ZFP1: variants seen among roughly 807,000 people sequenced by gnomAD.
ZFP1 encodes the protein ZFP1 zinc finger protein.
Under a neutral mutation model 38.5 loss-of-function variants are expected in ZFP1, and 32 were observed. That is an observed-to-expected ratio of 0.83 (90% confidence interval 0.63 to 1.12). ZFP1 has a LOEUF of 1.12. Ranked by LOEUF, ZFP1 falls within the 50% of genes most tolerant of loss-of-function variation. ZFP1 has a pLI of 0.00. For synonymous variants in ZFP1, 245 were observed against 168.8 expected (o/e 1.45, Z -3.50); for missense variants, 616 against 480.8 (o/e 1.28, Z -2.63).
intron 2 of ZFP1, among the ~76,000 whole-genome samples, chr16:75,163,144 T>C (rs532670055): frequency 6.4e-4 from 97 of 151,912 alleles, no homozygotes; most frequent in Non-Finnish European, 1.1e-3. Context: ...CCTGACCTCG[T>C]GATCCACCTG....
intron 2 of ZFP1, among the ~76,000 whole-genome samples, chr16:75,160,378 A>G (rs1002075815): frequency 2.0e-5 from 3 of 152,020 alleles, no homozygotes; most frequent in Non-Finnish European, 4.4e-5. Flanking sequence ...ACTAAACCCC[A>G]TCTGTACTAA....
Position 75,148,529 on chromosome 16 carries a change from T to G in ZFP1, c.-158T>G, listed in dbSNP as rs1373363735. 1 of 152,122 alleles carries G rather than the reference T, an allele frequency of 6.6e-6. No homozygotes were observed. The highest frequency in any genetic ancestry group is 2.1e-4 in the South Asian group (1 of 4,822). 9.4% of individuals were successfully genotyped at this position (152,122 alleles called of 1,614,324 possible). A position where few individuals can be genotyped will look rare whatever the true frequency, so the allele number is the denominator to read the frequency against. On this transcript the variant is annotated 5_prime_UTR_variant, in exon 1 of 4. Coordinates refer to ENST00000570010, the MANE Select transcript of ZFP1 (RefSeq NM_153688.4). ...CTGCGAGCGCGCCGGTGGCCGCCCT[T>G]CCCCCACCACCAGCGGCGAGTGGGT...
At chr16:75,166,922 C>A in intron 3 of ZFP1, 26 bp downstream of exon 3, 1 of 1,608,456 alleles carries the variant, frequency 6.2e-7, no homozygotes. Flanking sequence ...AGGTACAGCT[C>A]ACCATGTGCC....
the ZFP1 span, among the ~76,000 whole-genome samples, chr16:75,126,760 T>C: frequency 3.3e-5 from 5 of 152,250 alleles, no homozygotes; most frequent in South Asian, 1.0e-3. Context: ...TCAAGTGTTT[T>C]ATACCTTTGA....
chr16:75,165,940 T>A (rs1308843689), intron 2 of ZFP1, among the ~76,000 whole-genome samples: 1 of 152,204 alleles, frequency 6.6e-6, no homozygotes, highest in East Asian at 1.9e-4. Flanking sequence ...AGATATTTAC[T>A]GACATTTTTT....
chr16:75,147,720 A>G (rs2036972049), upstream of ZFP1, among the ~76,000 whole-genome samples: 1 of 152,126 alleles, frequency 6.6e-6, no homozygotes, highest in South Asian at 2.1e-4. Context: ...TTTCTGCTCA[A>G]ATTTTGCTGT....
the ZFP1 span, among the ~76,000 whole-genome samples, chr16:75,123,345 C>T: frequency 1.3e-5 from 2 of 148,304 alleles, no homozygotes; most frequent in African/African-American, 5.1e-5. Context: ...CACAGAGACT[C>T]TGTCTAAAAT....
Position 75,166,909 on chromosome 16 carries a change from T to A in ZFP1, c.142+13T>A. On this transcript the variant is annotated intron_variant, in intron 3 of 3. Coordinates refer to ENST00000570010, the MANE Select transcript of ZFP1 (RefSeq NM_153688.4). Reference sequence around the variant, plus strand: ...TTACTTTCAGTGGGTAAGGACGGTTTTCAGGTACAGCTCACCATGTGCCTA... The same window carrying A: ...TTACTTTCAGTGGGTAAGGACGGTTATCAGGTACAGCTCACCATGTGCCTA... The A allele has an allele frequency of 6.2e-7, 1 of 1,612,012 alleles. No homozygotes were observed. The highest frequency in any genetic ancestry group is 8.5e-7 in the Non-Finnish European group (1 of 1,178,474).
chr16:75,150,065 A>G (rs1012305251), intron 1 of ZFP1, among the ~76,000 whole-genome samples: 1 of 151,934 alleles, frequency 6.6e-6, no homozygotes, highest in East Asian at 2.0e-4. Flanking sequence ...GATTACAGGC[A>G]TGAACCACTG....
the ZFP1 span, among the ~76,000 whole-genome samples, chr16:75,128,274 A>T: frequency 1.3e-5 from 2 of 152,206 alleles, no homozygotes; most frequent in African/African-American, 4.8e-5. Flanking sequence ...ACTCATCAGT[A>T]TTTGATGGTA....
At position 75,150,290 on chromosome 16, in the gene ZFP1, G is replaced by A. The variant is rs368398461; in HGVS notation, c.-44+1647G>A. Among the ~76,000 whole-genome samples, 116 of 147,810 alleles carry A rather than the reference G, an allele frequency of 7.8e-4. 5 individuals are homozygous for A. The South Asian group carries it at 0.022, about 28-fold the overall frequency. On this transcript the variant is annotated intron_variant, in intron 1 of 3. Transcript: ENST00000570010. ...GTAGCGAGATCTCGGCTCACTGCAA[G>A]CTCCGCCTACCAGGTTCACACCATT...
upstream of ZFP1, among the ~76,000 whole-genome samples, chr16:75,147,845 C>A (rs1345275885): frequency 6.6e-6 from 1 of 152,126 alleles, no homozygotes; most frequent in Non-Finnish European, 1.5e-5. Context: ...TGGGGAGATG[C>A]ACAGCTATGT....
the ZFP1 span, among the ~76,000 whole-genome samples, chr16:75,137,452 A>G: frequency 1.4e-5 from 2 of 139,432 alleles, no homozygotes; most frequent in South Asian, 2.3e-4. Flanking sequence ...AGTCTCTACA[A>G]AAAAAATTCT....
At chr16:75,161,193 G>C (rs535325988) in intron 2 of ZFP1, among the ~76,000 whole-genome samples, 1 of 151,842 alleles carries the variant, frequency 6.6e-6, no homozygotes, top group Admixed American at 6.6e-5. Flanking sequence ...TCAGCCTCCC[G>C]AGTAGCTGGG....
At chr16:75,128,549 T>A in the ZFP1 span, among the ~76,000 whole-genome samples, 1 of 152,234 alleles carries the variant, frequency 6.6e-6, no homozygotes, top group Non-Finnish European at 1.5e-5. Flanking sequence ...TTGTCTAATA[T>A]TTTTCAATTC....
chr16:75,149,083 A>C (rs550410845), intron 1 of ZFP1: 2 of 152,164 alleles, frequency 1.3e-5, no homozygotes, highest in East Asian at 3.9e-4. Context: ...GAGCCTGGTC[A>C]GTTGCCGGTG....
rs143782883 is a variant in ZFP1 at position 75,170,008 on chromosome 16, G to A, written c.898G>A (p.Glu300Lys). ...HTGERPYECNECAKTFFKKSN... is the reference protein window; with the variant it reads ...HTGERPYECNKCAKTFFKKSN... ...AGGAGAGCGACCCTATGAGTGTAAC[G>A]AATGTGCAAAAACCTTCTTTAAGAA... Residue 300 changes from glutamate (E) to lysine (K), a missense_variant, in exon 4 of 4, where the codon GAA becomes AAA. By Grantham distance (56) the Glu-to-Lys change is moderately conservative. Transcript: ENST00000570010. The A allele has an allele frequency of 4.4e-4, 710 of 1,614,034 alleles. 4 individuals carry two copies. Among genetic ancestry groups the A allele is most frequent in the Non-Finnish European group, 7.4e-5 (87 of 1,180,034 alleles).
At chr16:75,168,924 C>T (rs2038256139) in intron 3 of ZFP1, among the ~76,000 whole-genome samples, 1 of 152,162 alleles carries the variant, frequency 6.6e-6, no homozygotes, top group Non-Finnish European at 1.5e-5. Context: ...CACTGTGAAT[C>T]TCCCTCCCTG....
Position 75,158,874 on chromosome 16 carries a change from GTTGT to G in ZFP1, c.15+5911_15+5914del, listed in dbSNP as rs2037602072. Among the ~76,000 whole-genome samples, 5 of 146,058 alleles carry G rather than the reference GTTGT, an allele frequency of 3.4e-5. No homozygotes were observed. In the South Asian group the frequency reaches 8.8e-4, roughly 26 times the overall value. The stretch of plus-strand genomic sequence containing the variant: ...TACTGTCTACATCTGCTCCTTTTGG[GTTGT>G]TTATCTCTTGATTGTTTTTGTCTTG... On this transcript the variant is annotated intron_variant, in intron 2 of 3. Coordinates refer to ENST00000570010, the MANE Select transcript of ZFP1 (RefSeq NM_153688.4).
Sources: gnomAD v4.1 joint callset for allele counts (sites outside exome capture counted in the v4.1 genomes callset) on GRCh38, gnomAD v4.1.1 for gene constraint, MANE v1.5 for transcripts, NCBI Gene and HGNC (gene_info 2026-07-23, HGNC 2026-07-21) for gene names.